Variants in STIL observed in about 807,000 individuals in gnomAD.
The protein encoded by STIL is STIL centriolar assembly protein.
In STIL, 55 loss-of-function variants were observed where a neutral mutation model predicts 110.1. The ratio of observed to expected loss-of-function variants is 0.50; its 90% CI spans 0.40 to 0.63. STIL has a LOEUF of 0.63. Among genes scored for constraint, STIL ranks in the 20% least tolerant of loss-of-function variants. STIL has a pLI of 0.00. For synonymous variants in STIL, 481 were observed against 530.0 expected (o/e 0.91, Z 1.27); for missense variants, 1,358 against 1,530.0 (o/e 0.89, Z 1.87).
At chr1:47,268,432 C>A (rs973666027) in intron 14 of STIL, among the ~76,000 whole-genome samples, 1 of 151,522 alleles carries the variant, frequency 6.6e-6, no homozygotes, top group African/African-American at 2.4e-5. Context: ...GGTGAAAAAG[C>A]GAGACTCTTG....
At chr1:47,259,736 A>G (rs181690261) in intron 16 of STIL, among the ~76,000 whole-genome samples, 1 of 152,322 alleles carries the variant, frequency 6.6e-6, no homozygotes, top group Admixed American at 6.5e-5. Context: ...TTAACAGAAA[A>G]TATGCCAGCC....
intron 12 of STIL, among the ~76,000 whole-genome samples, chr1:47,279,231 C>T (rs1321626863): frequency 1.3e-5 from 2 of 148,512 alleles, no homozygotes; most frequent in African/African-American, 5.0e-5. Flanking sequence ...TGCAGTGAGC[C>T]GAGATCGTGG....
At chr1:47,259,084 T>C (rs997327061) in intron 16 of STIL, among the ~76,000 whole-genome samples, 15 of 144,516 alleles carry the variant, frequency 1.0e-4, no homozygotes, top group African/African-American at 3.9e-4. Context: ...CCTCCTGGGT[T>C]CACGCCATTC....
intron 16 of STIL, among the ~76,000 whole-genome samples, chr1:47,256,106 G>T (rs756713345): frequency 1.3e-5 from 2 of 151,966 alleles, no homozygotes; most frequent in Non-Finnish European, 2.9e-5. Flanking sequence ...TCTAAACAAC[G>T]GCCTTATAAA....
At position 47,281,048 on chromosome 1, in the gene STIL, A is replaced by G. The variant is rs1376376039; in HGVS notation, c.1410T>C (p.Tyr470=). The change falls in exon 12 of 17, where the codon TAT becomes TAC. Residue 470 remains tyrosine (Y), a synonymous_variant. Transcript: ENST00000371877. ...CAACTTCTGGACTGTGTTTCTCATC[A>G]TAAAGCTGGGGTTGCAATGGCTTCA... ...EHLKPLQPQL[Y]DEKHSPEVEA... The G allele has an allele frequency of 6.2e-7, 1 of 1,614,112 alleles. No homozygotes were observed. The highest frequency in any genetic ancestry group is 1.3e-5 in the African/African-American group (1 of 75,022).
intron 1 of STIL, among the ~76,000 whole-genome samples, chr1:47,312,069 G>C (rs1243911860): frequency 1.3e-5 from 2 of 151,926 alleles, no homozygotes; most frequent in Non-Finnish European, 2.9e-5. Context: ...CAAGATAAAG[G>C]AGAAAAGGAT....
At chr1:47,289,378 T>C (rs1020315048) in intron 9 of STIL, 57 bp downstream of exon 9, 4 of 1,514,418 alleles carry the variant, frequency 2.6e-6, no homozygotes, top group Non-Finnish European at 1.8e-6. Context: ...GGGTTTAAAC[T>C]GCCAAAGTGC....
At chr1:47,281,784 T>A (rs1018743706) in intron 11 of STIL, among the ~76,000 whole-genome samples, 1 of 152,102 alleles carries the variant, frequency 6.6e-6, no homozygotes, top group African/African-American at 2.4e-5. Context: ...CTTTAAAAAA[T>A]CCTTCCCATT....
At chr1:47,256,170 A>G (rs1644321246) in intron 16 of STIL, among the ~76,000 whole-genome samples, 1 of 152,216 alleles carries the variant, frequency 6.6e-6, no homozygotes, top group Non-Finnish European at 1.5e-5. Context: ...TTAACAATAT[A>G]AGATTATAAA....
At chr1:47,260,849 TGA>T (rs983068330) in intron 15 of STIL, among the ~76,000 whole-genome samples, 17 of 152,086 alleles carry the variant, frequency 1.1e-4, no homozygotes, top group Non-Finnish European at 2.5e-4. Context: ...CGTGACAAAG[TGA>T]GACTCTGTCT....
chr1:47,296,374 AG>A (rs1645641748), intron 6 of STIL, among the ~76,000 whole-genome samples: 1 of 152,042 alleles, frequency 6.6e-6, no homozygotes, highest in African/African-American at 2.4e-5. Flanking sequence ...AAAACACAAA[AG>A]CTCACTCTTT....
rs1005803796 is a variant in STIL at position 47,266,924 on chromosome 1, A to G, written c.2615+2711T>C. 1.1e-4 allele frequency among the ~76,000 whole-genome samples: 17 copies of G among 152,300 alleles called. 1 individual carries two copies. Among genetic ancestry groups the G allele is most frequent in the African/African-American group, 4.1e-4 (17 of 41,564 alleles). ...TTCTATATCCTACAAAGCCCCATAT[A>G]ACTTGGCTCCTGCCTGTATCTCAGA... is the stretch of plus-strand genomic sequence containing the variant. On this transcript the variant is annotated intron_variant, in intron 14 of 16. Coordinates refer to ENST00000371877, the MANE Select transcript of STIL (RefSeq NM_001048166.1).
chr1:47,288,065 TATA>T (rs980825469), intron 9 of STIL, among the ~76,000 whole-genome samples: 22 of 148,136 alleles, frequency 1.5e-4, no homozygotes, highest in Middle Eastern at 3.6e-3. Flanking sequence ...ATGTATATAT[TATA>T]ATATTAAAAT....
At chr1:47,284,443 C>G (rs971700997) in intron 10 of STIL, among the ~76,000 whole-genome samples, 1 of 152,164 alleles carries the variant, frequency 6.6e-6, no homozygotes, top group Admixed American at 6.5e-5. Flanking sequence ...CTCCCCAACT[C>G]GACTTCTTGG....
intron 10 of STIL, among the ~76,000 whole-genome samples, chr1:47,287,226 A>C (rs1288502417): frequency 6.6e-6 from 1 of 152,112 alleles, no homozygotes; most frequent in African/African-American, 2.4e-5. Context: ...AGAAACTTAT[A>C]AGGAAGGGAA....
rs757086680 is a variant in STIL, at chr1:47,288,434, T to C, written c.1024-774A>G. Among the ~76,000 whole-genome samples the C allele has an allele frequency of 4.3e-4, 66 of 152,130 alleles. 1 individual carries two copies. The highest frequency in any genetic ancestry group is 2.8e-3 in the Admixed American group (43 of 15,288). On this transcript the variant is annotated intron_variant, in intron 9 of 16. Transcript: ENST00000371877. ...GCCTCAGTCTCCCAAGTAGCTAGGA[T>C]TACAGGCACCTGGCACTATGCCTGG... is the stretch of plus-strand genomic sequence containing the variant.
At chr1:47,279,689 C>T (rs1488932025) in intron 12 of STIL, among the ~76,000 whole-genome samples, 1 of 146,420 alleles carries the variant, frequency 6.8e-6, no homozygotes, top group African/African-American at 2.6e-5. Flanking sequence ...AGATCATGCC[C>T]CTGCACTCCA....
Position 47,280,607 on chromosome 1 carries a change from T to C in STIL, c.1851A>G (p.Leu617=). Residue 617 remains leucine, a synonymous_variant, in exon 12 of 17, where the codon CTA becomes CTG. Coordinates refer to ENST00000371877, the MANE Select transcript of STIL (RefSeq NM_001048166.1). ...QHHSHIQYSP[L]NSWQGANTVG... The stretch of plus-strand genomic sequence containing the variant: ...CTGTGTTTGCTCCTTGCCAAGAATT[T>C]AGCGGACTATATTGAATATGACTAT... The C allele has an allele frequency of 6.2e-7, 1 of 1,614,244 alleles. No individual in the cohort carries two copies. Among genetic ancestry groups the C allele is most frequent in the East Asian group, 2.2e-5 (1 of 44,888 alleles).
intron 10 of STIL, among the ~76,000 whole-genome samples, chr1:47,284,280 GACAA>G (rs1557744086): frequency 1.3e-5 from 2 of 152,170 alleles, no homozygotes; most frequent in African/African-American, 4.8e-5. Context: ...CTTTAGGAGA[GACAA>G]ACATTTTGAT....
Sources: gnomAD v4.1 joint callset for allele counts (sites outside exome capture counted in the v4.1 genomes callset) on GRCh38, gnomAD v4.1.1 for gene constraint, MANE v1.5 for transcripts, NCBI Gene and HGNC (gene_info 2026-07-23, HGNC 2026-07-21) for gene names.